The following TLCD5 variants were observed in gnomAD, a reference collection of about 807,000 sequenced individuals.
TLCD5 encodes TLC domain-containing protein 5.
A neutral mutation model predicts 20.5 loss-of-function variants in TLCD5; 15 were observed. The observed-to-expected ratio is 0.73, with a 90% confidence interval of 0.49 to 1.13. TLCD5 has a LOEUF of 1.13. Among genes scored for constraint, TLCD5 ranks in the 50% most tolerant of loss-of-function variants. The pLI is 0.00. For synonymous variants in TLCD5, 107 were observed against 114.7 expected, an observed-to-expected ratio of 0.93 and a Z score of 0.43; for missense variants, 289 against 305.6, an observed-to-expected ratio of 0.95 and a Z score of 0.41.
chr11:120,329,917 C>T, intron 2 of TLCD5, 60 bp from the exon 3 acceptor site: 3 of 1,530,372 alleles, frequency 2.0e-6, no homozygotes, highest in Non-Finnish European at 2.7e-6. Flanking sequence ...ACATAGGATC[C>T]CTGTGCAAGG....
In TLCD5 at chr11:120,330,257, G is replaced by T; in HGVS notation, c.480G>T (p.Val160=). Reference sequence around the variant, plus strand: ...ATCACAGTTTCACTGGAGATGTAGTGGACTTCCTCTTTGTGGCTCTGTTCA... The same window carrying T: ...ATCACAGTTTCACTGGAGATGTAGTTGACTTCCTCTTTGTGGCTCTGTTCA... ...GHYHSFTGDV[V]DFLFVALFTG... The change falls in exon 3 of 3, where the codon GTG becomes GTT. Residue 160 remains valine, a synonymous_variant. Coordinates refer to ENST00000375095, the MANE Select transcript of TLCD5 (RefSeq NM_001198671.2). 1 of 1,553,236 alleles carries T rather than the reference G, an allele frequency of 6.4e-7. No homozygotes were observed. The highest frequency in any genetic ancestry group is 1.4e-5 in the African/African-American group (1 of 73,504).
chr11:120,328,316 C>T (rs547210888), intron 2 of TLCD5, among the ~76,000 whole-genome samples: 36 of 152,156 alleles, frequency 2.4e-4, no homozygotes, highest in African/African-American at 8.0e-4. Context: ...CTCCTGACCT[C>T]GTGATCCACC....
chr11:120,330,636 TG>T lies in TLCD5; in HGVS notation c.*122del. The T allele has an allele frequency of 8.4e-7, 1 of 1,185,578 alleles. No homozygotes were observed. Among genetic ancestry groups the T allele is most frequent in the South Asian group, 1.6e-5 (1 of 61,756 alleles). 73.4% of individuals were successfully genotyped at this position (1,185,578 alleles called of 1,614,324 possible). A position where few individuals can be genotyped will look rare whatever the true frequency, so the allele number is the denominator to read the frequency against. The stretch of plus-strand genomic sequence containing the variant: ...GGTTTCAATAAAGGGCTAAATGTAT[TG>T]ATCAATTTGGTCAGTCTTCAAGCCG... On this transcript the variant is annotated 3_prime_UTR_variant, in exon 3 of 3. Transcript: ENST00000375095.
At chr11:120,327,292 A>T (rs1942022849) in intron 1 of TLCD5, 149 bp from the exon 2 acceptor site, 3 of 1,352,988 alleles carry the variant, frequency 2.2e-6, no homozygotes, top group African/African-American at 2.9e-5. Context: ...TAAATAGAAG[A>T]TTCTTGGCCG....
chr11:120,328,979 A>T (rs866183968), intron 2 of TLCD5, among the ~76,000 whole-genome samples: 4 of 86,644 alleles, frequency 4.6e-5, no homozygotes, highest in South Asian at 3.8e-4. Flanking sequence ...TCTGTGTCCT[A>T]ATCCCTTCTA....
At chr11:120,325,854 C>T (rs1382150747) in intron 1 of TLCD5, among the ~76,000 whole-genome samples, 1 of 152,234 alleles carries the variant, frequency 6.6e-6, no homozygotes, top group Non-Finnish European at 1.5e-5. Context: ...TTACGAATGT[C>T]TGTTCTTTTA....
intron 2 of TLCD5, among the ~76,000 whole-genome samples, chr11:120,328,371 G>A (rs11823300): frequency 0.38 from 58,406 of 151,936 alleles, 11,494 homozygotes; most frequent in African/African-American, 0.44. Flanking sequence ...GTGAGCCACC[G>A]CACCCGGCCA....
At chr11:120,328,873 G>A (rs1942075097) in intron 2 of TLCD5, among the ~76,000 whole-genome samples, 1 of 137,926 alleles carries the variant, frequency 7.3e-6, no homozygotes, top group African/African-American at 2.8e-5. Flanking sequence ...GTATGTATAT[G>A]TATGCATATC....
intron 2 of TLCD5, among the ~76,000 whole-genome samples, chr11:120,328,596 CTGTGTG>C (rs942342617): frequency 3.0e-4 from 5 of 16,450 alleles, no homozygotes; most frequent in Non-Finnish European, 8.2e-4. Flanking sequence ...GGTCTCCCCT[CTGTGTG>C]TGTGTGTGTG....
rs111737693 is a variant in TLCD5 at position 120,330,811 on chromosome 11, C to T, written c.*296C>T. On this transcript the variant is annotated 3_prime_UTR_variant, in exon 3 of 3. Transcript: ENST00000375095. Reference sequence around the variant, plus strand: ...TTGTGGTGACCCTGGGTCCTCCTGTCCCTGGGAGGTTTGATGTTCAGGCAG... The same window carrying T: ...TTGTGGTGACCCTGGGTCCTCCTGTTCCTGGGAGGTTTGATGTTCAGGCAG... 1,952 of 264,422 alleles carry T rather than the reference C, an allele frequency of 7.4e-3. 8 individuals are homozygous for T. Among genetic ancestry groups the T allele is most frequent in the Non-Finnish European group, 0.011 (1,509 of 140,516 alleles). The allele number at this position is 264,422 out of a possible 1,614,324, so 16.4% of individuals were successfully genotyped here.
At chr11:120,329,835 G>A in intron 2 of TLCD5, 142 bp from the exon 3 acceptor site, 1 of 777,524 alleles carries the variant, frequency 1.3e-6, no homozygotes, top group Non-Finnish European at 2.1e-6. Context: ...TCTTTCTTTG[G>A]TCCTCATTAA....
rs572517637 is a variant in TLCD5 at position 120,332,503 on chromosome 11, C to T, written c.*1988C>T. On this transcript the variant is annotated 3_prime_UTR_variant, in exon 3 of 3. Coordinates refer to ENST00000375095, the MANE Select transcript of TLCD5 (RefSeq NM_001198671.2). This position sits in a 1 kb window ranked among gnomAD's most constrained non-coding sequence, Gnocchi z 4.2. ...CATTCCATGGCCACTGGTAATCTAA[C>T]GTAATGAATGGTGTCTTTTGTTGTT... is the stretch of plus-strand genomic sequence containing the variant. The T allele has an allele frequency of 1.3e-5, 2 of 152,304 alleles. No individual in the cohort carries two copies. Among genetic ancestry groups the T allele is most frequent in the South Asian group, 2.1e-4 (1 of 4,808 alleles). 9.4% of individuals were successfully genotyped at this position (152,304 alleles called of 1,614,324 possible).
intron 2 of TLCD5, among the ~76,000 whole-genome samples, chr11:120,328,792 GTATATGTATGCATATC>G (rs1942070501): frequency 6.6e-6 from 1 of 150,966 alleles, no homozygotes; most frequent in Non-Finnish European, 1.5e-5. Context: ...GTGTATGTTT[GTATATGTATGCATATC>G]TGTGTCCTAA....
Position 120,330,148 on chromosome 11 carries a change from C to T in TLCD5, c.371C>T (p.Thr124Ile), listed in dbSNP as rs775888620. ...GCCCTTGTGCTTGGGGAGTCTGGCA[C>T]AGAGGTCAATGCAGTCCTCTTTGGA... Reference protein sequence around the residue: ...IMALVLGESGTEVNAVLFGSE... With the variant: ...IMALVLGESGIEVNAVLFGSE... Residue 124 changes from threonine to isoleucine, a missense_variant, in exon 3 of 3, where the codon ACA (threonine) becomes ATA (isoleucine). By Grantham distance (89) the Thr-to-Ile change is moderately conservative. Coordinates refer to ENST00000375095, the MANE Select transcript of TLCD5 (RefSeq NM_001198671.2). 1 of 1,610,058 alleles carries T rather than the reference C, an allele frequency of 6.2e-7. No homozygotes were observed. The highest frequency in any genetic ancestry group is 8.5e-7 in the Non-Finnish European group (1 of 1,177,818).
At chr11:120,326,181 TCTTC>T (rs1248433753) in intron 1 of TLCD5, among the ~76,000 whole-genome samples, 1 of 151,844 alleles carries the variant, frequency 6.6e-6, no homozygotes, top group Admixed American at 6.6e-5. Flanking sequence ...CTCCCCTTCC[TCTTC>T]CTTCTTTTCT....
intron 2 of TLCD5, among the ~76,000 whole-genome samples, chr11:120,328,379 C>T (rs1942049094): frequency 6.6e-6 from 1 of 152,154 alleles, no homozygotes; most frequent in African/African-American, 2.4e-5. Context: ...CCGCACCCGG[C>T]CAAGTATGCA....
intron 2 of TLCD5, among the ~76,000 whole-genome samples, chr11:120,328,596 CTGTG>C (rs942342617): frequency 1.2e-4 from 2 of 16,474 alleles, no homozygotes; most frequent in South Asian, 1.7e-3. Flanking sequence ...GGTCTCCCCT[CTGTG>C]TGTGTGTGTG....
Position 120,330,518 on chromosome 11 carries a change from A to C in TLCD5, c.*3A>C, listed in dbSNP as rs757244619. On this transcript the variant is annotated 3_prime_UTR_variant, in exon 3 of 3. Transcript: ENST00000375095. ...ACGGACATCTCAAAATACACTAGCC[A>C]AGGCTTGCTCCAGATTATGGATTGG... 6.9e-6 allele frequency: 11 copies of C among 1,604,610 alleles called. No individual in the cohort carries two copies. In the East Asian group the frequency reaches 2.5e-4, roughly 36 times the overall value.
In TLCD5 at chr11:120,330,019, C is replaced by G. The variant is rs755540176; in HGVS notation, c.242C>G (p.Thr81Ser). 1.1e-5 allele frequency: 17 copies of G among 1,614,138 alleles called. No homozygotes were observed. The highest frequency in any genetic ancestry group is 1.4e-5 in the Non-Finnish European group (17 of 1,180,010). Residue 81 changes from threonine (T) to serine (S), a missense_variant, in exon 3 of 3, where the codon ACC (threonine) becomes AGC (serine). Thr to Ser is a moderately conservative substitution (Grantham distance 58). Coordinates refer to ENST00000375095, the MANE Select transcript of TLCD5 (RefSeq NM_001198671.2). ...CTCCAAGTTCATGTCCTGTGTCTCA[C>G]CTTGGGCTACTTCATCTTCGACTTG... Reference protein sequence around the residue: ...TPLQVHVLCLTLGYFIFDLGW... With the variant: ...TPLQVHVLCLSLGYFIFDLGW...
Sources: allele counts gnomAD v4.1 joint callset (sites outside exome capture counted in the v4.1 genomes callset), GRCh38; gene constraint gnomAD v4.1.1; non-coding constraint Gnocchi (gnomAD v3.1); transcripts MANE v1.5; gene names NCBI Gene and HGNC (gene_info 2026-07-23, HGNC 2026-07-21).